Variants in RNF121 observed in about 807,000 individuals in gnomAD.
The protein encoded by RNF121 is ring finger protein 121.
Under a neutral mutation model 46.5 loss-of-function variants are expected in RNF121, and 21 were observed. The ratio of observed to expected loss-of-function variants is 0.45; its 90% CI spans 0.32 to 0.65. RNF121 has a LOEUF of 0.65. Among genes scored for constraint, RNF121 ranks in the 30% least tolerant of loss-of-function variants. RNF121 has a pLI of 0.04. For synonymous variants in RNF121, 139 were observed against 144.7 expected, an observed-to-expected ratio of 0.96 and a Z score of 0.28; for missense variants, 346 against 416.0, an observed-to-expected ratio of 0.83 and a Z score of 1.46.
intron 3 of RNF121, among the ~76,000 whole-genome samples, chr11:71,979,410 C>G (rs1954598071): frequency 6.6e-6 from 1 of 152,164 alleles, no homozygotes; most frequent in African/African-American, 2.4e-5. Context: ...CTCCCTTTCT[C>G]TCTCTCCTCT....
intron 2 of RNF121, among the ~76,000 whole-genome samples, chr11:71,958,476 T>C (rs1339707044): frequency 6.6e-6 from 1 of 152,176 alleles, no homozygotes; most frequent in Admixed American, 6.6e-5. Context: ...TTTTGTCTCA[T>C]TGTCAGAACT....
intron 1 of RNF121, among the ~76,000 whole-genome samples, chr11:71,933,481 T>A (rs1953326052): frequency 1.3e-5 from 2 of 152,256 alleles, no homozygotes; most frequent in African/African-American, 4.8e-5. Context: ...TGGTGGTTTT[T>A]AAACCTTTAT....
At chr11:71,974,912 A>G (rs974567771) in intron 3 of RNF121, among the ~76,000 whole-genome samples, 26 of 152,192 alleles carry the variant, frequency 1.7e-4, no homozygotes, top group African/African-American at 6.3e-4. Flanking sequence ...TGCGTAGCTC[A>G]GTTTTCATCA....
intron 1 of RNF121, among the ~76,000 whole-genome samples, chr11:71,949,526 C>G (rs1193783259): frequency 6.6e-6 from 1 of 151,760 alleles, no homozygotes; most frequent in Non-Finnish European, 1.5e-5. Flanking sequence ...ACCAACCTGG[C>G]CAACATGGTG....
At chr11:71,994,687 T>C in intron 6 of RNF121, 32 bp from the exon 7 acceptor site, 6 of 1,613,540 alleles carry the variant, frequency 3.7e-6, no homozygotes, top group Non-Finnish European at 4.2e-6. Flanking sequence ...TCACATCTTT[T>C]CCTATCTTTC....
intron 1 of RNF121, among the ~76,000 whole-genome samples, chr11:71,937,269 G>C (rs748616567): frequency 1.2e-4 from 18 of 152,086 alleles, no homozygotes; most frequent in Non-Finnish European, 2.1e-4. Context: ...ACCTAATCTT[G>C]CACAGTGGCT....
intron 1 of RNF121, among the ~76,000 whole-genome samples, chr11:71,931,554 A>G (rs1216167477): frequency 6.6e-6 from 1 of 152,202 alleles, no homozygotes; most frequent in African/African-American, 2.4e-5. Flanking sequence ...CGTCTTTAAT[A>G]TGTAATTATG....
intron 1 of RNF121, among the ~76,000 whole-genome samples, chr11:71,940,075 C>A (rs117528628): frequency 1.3e-3 from 192 of 152,306 alleles, no homozygotes; most frequent in Non-Finnish European, 2.5e-3. Context: ...TAGGAGGCCA[C>A]TTTAGGCCAA....
intron 4 of RNF121, 97 bp from the exon 5 acceptor site, chr11:71,986,907 T>G: frequency 2.7e-6 from 2 of 749,338 alleles, no homozygotes; most frequent in Non-Finnish European, 4.8e-6. Flanking sequence ...AAGACCCTGG[T>G]GTCCCCATTG....
At chr11:71,988,594 A>G (rs1188436856) in intron 5 of RNF121, among the ~76,000 whole-genome samples, 1 of 151,226 alleles carries the variant, frequency 6.6e-6, no homozygotes, top group Admixed American at 6.6e-5. Flanking sequence ...GCTTGAGGCC[A>G]GGAGTTCAAG....
chr11:71,948,738 G>A (rs1169971164), intron 1 of RNF121, among the ~76,000 whole-genome samples: 3 of 152,150 alleles, frequency 2.0e-5, no homozygotes, highest in Admixed American at 6.5e-5. Flanking sequence ...CCTGAAAGGT[G>A]AGGTTTCCAC....
At chr11:71,989,698 C>T (rs1954831070) in intron 5 of RNF121, among the ~76,000 whole-genome samples, 1 of 152,096 alleles carries the variant, frequency 6.6e-6, no homozygotes, top group Non-Finnish European at 1.5e-5. Flanking sequence ...ATTATTAAAA[C>T]AAACCTTCTG....
rs778354560 is a variant in RNF121 at position 71,990,649 on chromosome 11, C to T, written c.559C>T (p.Leu187Phe). Residue 187 changes from leucine to phenylalanine, a missense_variant, in exon 6 of 9, where the codon CTC becomes TTC. Leu to Phe is a conservative substitution (Grantham distance 22). This residue lies in a region of RNF121 where 286 missense variants were observed against 383.8 expected (regional missense o/e 0.75). Coordinates refer to ENST00000361756, the MANE Select transcript of RNF121 (RefSeq NM_018320.5). ...TGGCATCTCCCTTCTCTTCTATGGC[C>T]TCTACTATGGAGTTCTGGAACGGGA... ...DFGISLLFYG[L>F]YYGVLERDFA... 3.7e-6 allele frequency: 6 copies of T among 1,614,174 alleles called. No homozygotes were observed.
intron 6 of RNF121, among the ~76,000 whole-genome samples, chr11:71,991,566 C>G (rs1954863736): frequency 6.6e-6 from 1 of 152,106 alleles, no homozygotes; most frequent in Non-Finnish European, 1.5e-5. Context: ...TGTCATTTGA[C>G]CTAGTCTTGG....
At chr11:71,990,544 A>G (rs1954845175) in intron 5 of RNF121, 53 bp from the exon 6 acceptor site, 6 of 1,600,200 alleles carry the variant, frequency 3.7e-6, no homozygotes, top group Non-Finnish European at 5.1e-6. Flanking sequence ...GTAGTAATCC[A>G]TAGAAGATAT....
chr11:71,937,430 A>G (rs1590766996), intron 1 of RNF121, among the ~76,000 whole-genome samples: 1 of 152,248 alleles, frequency 6.6e-6, no homozygotes, highest in Non-Finnish European at 1.5e-5. Flanking sequence ...CTCCTGCCTC[A>G]GCTTCTGGAG....
intron 1 of RNF121, among the ~76,000 whole-genome samples, chr11:71,930,016 C>T (rs1565134772): frequency 6.6e-6 from 1 of 152,198 alleles, no homozygotes; most frequent in South Asian, 2.1e-4. Flanking sequence ...CTTTACCTAT[C>T]TAATAGGCAT....
At chr11:71,983,724 G>A (rs1224533705) in intron 4 of RNF121, 1 of 152,276 alleles carries the variant, frequency 6.6e-6, no homozygotes, top group Non-Finnish European at 1.5e-5. Flanking sequence ...GGAGTACTCT[G>A]TTTAATGGAG....
chr11:71,982,952 C>T (rs376450806), intron 4 of RNF121, 37 bp downstream of exon 4: 8 of 1,554,074 alleles, frequency 5.1e-6, no homozygotes, highest in Non-Finnish European at 5.2e-6. Context: ...CCAGGTTTTC[C>T]GAAGCTAATG....
Sources: gnomAD v4.1 joint callset for allele counts (sites outside exome capture counted in the v4.1 genomes callset) on GRCh38, gnomAD v4.1.1 for gene constraint, gnomAD v4.1.1 regional missense constraint, MANE v1.5 for transcripts, NCBI Gene and HGNC (gene_info 2026-07-23, HGNC 2026-07-21) for gene names.